Variants in AHCYL2 observed in about 807,000 individuals in gnomAD.
AHCYL2 encodes S-adenosylhomocysteine hydrolase-like protein 2.
Under a neutral mutation model 81.4 loss-of-function variants are expected in AHCYL2, and 28 were observed. The ratio of observed to expected loss-of-function variants is 0.34; its 90% CI spans 0.25 to 0.47. AHCYL2 has a LOEUF of 0.47. Ranked by LOEUF, AHCYL2 falls within the 20% of genes least tolerant of loss-of-function variation. The pLI is 1.00. For missense variants in AHCYL2, 551 were observed against 785.1 expected (o/e 0.70, Z 3.56); for synonymous variants, 272 against 290.2 (o/e 0.94, Z 0.64).
intron 1 of AHCYL2, among the ~76,000 whole-genome samples, chr7:129,364,850 T>C (rs1794051092): frequency 6.6e-6 from 1 of 152,232 alleles, no homozygotes; most frequent in Non-Finnish European, 1.5e-5. Flanking sequence ...ACTAAAACCC[T>C]ACTAAGGACT....
intron 2 of AHCYL2, among the ~76,000 whole-genome samples, chr7:129,388,512 A>G (rs926183801): frequency 3.7e-4 from 56 of 152,206 alleles, no homozygotes; most frequent in African/African-American, 1.3e-3. Context: ...GTCAATGTCT[A>G]ATTGGGTCTG....
intron 1 of AHCYL2, among the ~76,000 whole-genome samples, chr7:129,277,279 T>TC (rs1796251910): frequency 7.9e-6 from 1 of 126,702 alleles, no homozygotes; most frequent in African/African-American, 3.1e-5. Flanking sequence ...AGTCTCTCTC[T>TC]TTTTTTTTTT....
In AHCYL2 at chr7:129,305,644, A is replaced by G. The variant is rs370749801; in HGVS notation, c.364-73994A>G. Among the ~76,000 whole-genome samples, 8 of 152,316 alleles carry G rather than the reference A, an allele frequency of 5.3e-5. No individual in the cohort carries two copies. In the East Asian group the frequency reaches 1.2e-3, roughly 22 times the overall value. On this transcript the variant is annotated intron_variant, in intron 1 of 16. Coordinates refer to ENST00000325006, the MANE Select transcript of AHCYL2 (RefSeq NM_015328.4). Reference sequence around the variant, plus strand: ...TTACATACCACAATTACCTAAGTTCAAAAACACTTGAATCTGTGTTCTTCT... The same window carrying G: ...TTACATACCACAATTACCTAAGTTCGAAAACACTTGAATCTGTGTTCTTCT...
chr7:129,388,236 C>T (rs1795291177), intron 2 of AHCYL2: 1 of 152,146 alleles, frequency 6.6e-6, no homozygotes, highest in South Asian at 2.1e-4. Context: ...TTCAAATAAT[C>T]TAGCAAATGG....
intron 1 of AHCYL2, among the ~76,000 whole-genome samples, chr7:129,307,286 A>T (rs1797476624): frequency 6.6e-6 from 1 of 152,148 alleles, no homozygotes; most frequent in Admixed American, 6.5e-5. Context: ...TTGGTGCCCT[A>T]TTCCATTGCA....
At chr7:129,306,265 C>T (rs541797979) in intron 1 of AHCYL2, among the ~76,000 whole-genome samples, 1 of 152,122 alleles carries the variant, frequency 6.6e-6, no homozygotes, top group African/African-American at 2.4e-5. Flanking sequence ...TGTCGGTGTG[C>T]TTTATTCTTT....
chr7:129,405,413 T>C, intron 8 of AHCYL2, 200 bp downstream of exon 8: 1 of 389,682 alleles, frequency 2.6e-6, no homozygotes, highest in Non-Finnish European at 4.5e-6. Context: ...AAATATTATA[T>C]TTTCAAAATA....
chr7:129,297,730 A>ATC (rs1486066037), intron 1 of AHCYL2, among the ~76,000 whole-genome samples: 4 of 152,170 alleles, frequency 2.6e-5, no homozygotes, highest in African/African-American at 9.7e-5. Flanking sequence ...TGTAATCAAA[A>ATC]TCATTACCTG....
In AHCYL2 at chr7:129,417,600, C is replaced by T. The variant is rs532786887; in HGVS notation, c.1461+3912C>T. Among the ~76,000 whole-genome samples the T allele has an allele frequency of 3.9e-5, 6 of 152,216 alleles. 1 individual carries two copies. The highest frequency in any genetic ancestry group is 3.9e-4 in the East Asian group (2 of 5,188). ...TCACTTCTCTTTGTGTTCTTCTTGG[C>T]GGAAGATATATAGCTAAGCTAAATG... On this transcript the variant is annotated intron_variant, in intron 12 of 16. Coordinates refer to ENST00000325006, the MANE Select transcript of AHCYL2 (RefSeq NM_015328.4).
At chr7:129,422,973 A>G in intron 13 of AHCYL2, 35 bp downstream of exon 13, 1 of 1,583,730 alleles carries the variant, frequency 6.3e-7, no homozygotes, top group Non-Finnish European at 8.7e-7. Flanking sequence ...CTCCCCCACA[A>G]CAGGAGAGAC....
intron 1 of AHCYL2, among the ~76,000 whole-genome samples, chr7:129,332,333 T>C (rs912297599): frequency 3.3e-5 from 5 of 152,212 alleles, no homozygotes; most frequent in African/African-American, 1.2e-4. Context: ...CCTCTGTTTC[T>C]GGGTGTATTT....
intron 1 of AHCYL2, among the ~76,000 whole-genome samples, chr7:129,296,384 T>G (rs973443416): frequency 6.6e-6 from 1 of 152,068 alleles, no homozygotes; most frequent in African/African-American, 2.4e-5. Flanking sequence ...ACAAAATTAT[T>G]TTCTGGTGTT....
In AHCYL2 at chr7:129,427,386, C is replaced by T. The variant is rs777485904; in HGVS notation, c.*341C>T. 16 of 210,682 alleles carry T rather than the reference C, an allele frequency of 7.6e-5. No homozygotes were observed. The highest frequency in any genetic ancestry group is 1.4e-4 in the Non-Finnish European group (15 of 106,556). The allele number at this position is 210,682 out of a possible 1,614,324, so 13.1% of individuals were successfully genotyped here. The stretch of plus-strand genomic sequence containing the variant: ...TCTTGTCCAGGCTCACGAGTTAGTC[C>T]AGGGATTCCATACTCCCTATTCCCT... On this transcript the variant is annotated 3_prime_UTR_variant, in exon 17 of 17. Coordinates refer to ENST00000325006, the MANE Select transcript of AHCYL2 (RefSeq NM_015328.4). This position sits in a 1 kb window ranked among gnomAD's most constrained non-coding sequence, Gnocchi z 5.5.
intron 1 of AHCYL2, among the ~76,000 whole-genome samples, chr7:129,238,603 T>C (rs1331831774): frequency 1.3e-5 from 2 of 152,132 alleles, no homozygotes; most frequent in Non-Finnish European, 2.9e-5. Flanking sequence ...GGAATTGTAG[T>C]TTGAAGAGGT....
intron 1 of AHCYL2, among the ~76,000 whole-genome samples, chr7:129,352,043 AT>A (rs11323551): frequency 0.87 from 131,257 of 151,728 alleles, 57,203 homozygotes; most frequent in East Asian, 0.98. Flanking sequence ...CTGGAGTATA[AT>A]TTTTTTTTTA....
At chr7:129,374,744 T>C (rs1045674891) in intron 1 of AHCYL2, among the ~76,000 whole-genome samples, 1 of 150,996 alleles carries the variant, frequency 6.6e-6, no homozygotes, top group Non-Finnish European at 1.5e-5. Flanking sequence ...AGGGTGGAGG[T>C]TGCAGTGAGC....
chr7:129,425,846 C>G (rs971148332), intron 15 of AHCYL2, among the ~76,000 whole-genome samples: 3 of 152,164 alleles, frequency 2.0e-5, no homozygotes, highest in African/African-American at 4.8e-5. Context: ...AAAGCAACAG[C>G]ACAGTCCATA....
At chr7:129,225,561 T>C in intron 1 of AHCYL2, 122 bp downstream of exon 1, 1 of 1,375,148 alleles carries the variant, frequency 7.3e-7, no homozygotes, top group Non-Finnish European at 9.3e-7. Context: ...GAGATACCCC[T>C]TGTCCCCTTA....
chr7:129,237,643 GGTAGCCTA>G (rs1325946299), intron 1 of AHCYL2, among the ~76,000 whole-genome samples: 1 of 151,842 alleles, frequency 6.6e-6, no homozygotes, highest in Non-Finnish European at 1.5e-5. Context: ...CCTATGCAGT[GGTAGCCTA>G]CAGAGAAACT....
Sources: allele counts gnomAD v4.1 joint callset (sites outside exome capture counted in the v4.1 genomes callset), GRCh38; gene constraint gnomAD v4.1.1; non-coding constraint Gnocchi (gnomAD v3.1); transcripts MANE v1.5; gene names NCBI Gene and HGNC (gene_info 2026-07-23, HGNC 2026-07-21).